Variants in RBPMS observed in about 807,000 individuals in gnomAD.
RBPMS encodes the protein RNA binding protein, mRNA processing factor, also known as RNA-binding protein with multiple splicing.
A neutral mutation model predicts 26.8 loss-of-function variants in RBPMS; 7 were observed. The ratio of observed to expected loss-of-function variants is 0.26; its 90% CI spans 0.15 to 0.49. RBPMS has a LOEUF of 0.49. Among genes scored for constraint, RBPMS ranks in the 20% least tolerant of loss-of-function variants. The pLI, the probability that RBPMS is intolerant of heterozygous loss-of-function variation, is 0.98. For missense variants in RBPMS, 186 were observed against 250.0 expected, an observed-to-expected ratio of 0.74 and a Z score of 1.73; for synonymous variants, 96 against 93.3, an observed-to-expected ratio of 1.03 and a Z score of -0.17.
rs1452807087 is a variant in RBPMS at position 30,522,675 on chromosome 8, T to C, written c.397+18239T>C. ...GATATTGATTGTAGTGAGAGTTTCA[T>C]AGGTATATACTTATCTCCAAACTCA... On this transcript the variant is annotated intron_variant, in intron 5 of 8. Coordinates refer to ENST00000397323, the MANE Select transcript of RBPMS (RefSeq NM_001008710.3). Among the ~76,000 whole-genome samples the C allele has an allele frequency of 7.2e-5, 11 of 152,336 alleles. No homozygotes were observed. The East Asian group carries it at 1.9e-3, about 27-fold the overall frequency.
intron 5 of RBPMS, among the ~76,000 whole-genome samples, chr8:30,521,040 C>T (rs1007482880): frequency 3.9e-5 from 6 of 151,978 alleles, no homozygotes; most frequent in African/African-American, 1.2e-4. Flanking sequence ...TGTCTTTGCA[C>T]GTAAGATAAA....
intron 6 of RBPMS, among the ~76,000 whole-genome samples, chr8:30,551,897 G>C (rs767335878): frequency 1.3e-5 from 2 of 152,168 alleles, no homozygotes; most frequent in Non-Finnish European, 2.9e-5. Flanking sequence ...ACATCTCCAT[G>C]GGTTTATTTT....
intron 1 of RBPMS, among the ~76,000 whole-genome samples, chr8:30,414,591 C>A (rs1809840313): frequency 6.6e-6 from 1 of 152,162 alleles, no homozygotes. Flanking sequence ...TAATCCGTCA[C>A]CAGACCCAGA....
At chr8:30,447,278 C>T (rs899595316) in intron 1 of RBPMS, among the ~76,000 whole-genome samples, 1 of 152,074 alleles carries the variant, frequency 6.6e-6, no homozygotes, top group Non-Finnish European at 1.5e-5. Flanking sequence ...CACTTCTGGG[C>T]CCAAGCATTT....
In RBPMS at chr8:30,571,467, C is replaced by T. The variant is rs1202183479; in HGVS notation, c.*942C>T. Reference sequence around the variant, plus strand: ...GCCTGCCTCACTGGTAAGGGAAAACCTTGGCTTGGGAGGCCAGCCCTGGCC... The same window carrying T: ...GCCTGCCTCACTGGTAAGGGAAAACTTTGGCTTGGGAGGCCAGCCCTGGCC... On this transcript the variant is annotated 3_prime_UTR_variant, in exon 9 of 9. Transcript: ENST00000397323. 1 of 152,282 alleles carries T rather than the reference C, an allele frequency of 6.6e-6. No individual in the cohort carries two copies. The highest frequency in any genetic ancestry group is 1.5e-5 in the Non-Finnish European group (1 of 68,052). The allele number at this position is 152,282 out of a possible 1,614,324, so 9.4% of individuals were successfully genotyped here.
intron 3 of RBPMS, 81 bp downstream of exon 3, chr8:30,477,918 ATTCCCAT>A (rs1295851454): frequency 2.1e-5 from 21 of 980,290 alleles, no homozygotes; most frequent in Non-Finnish European, 2.9e-5. Context: ...TTCTTTTTTT[ATTCCCAT>A]TAGAATTTGA....
At chr8:30,437,958 CAAA>C (rs548974873) in intron 1 of RBPMS, among the ~76,000 whole-genome samples, 1 of 148,318 alleles carries the variant, frequency 6.7e-6, no homozygotes, top group East Asian at 2.0e-4. Context: ...GACTCCGTCT[CAAA>C]AAAAGAAAAA....
intron 1 of RBPMS, among the ~76,000 whole-genome samples, chr8:30,409,717 C>CT (rs2150574694): frequency 6.6e-6 from 1 of 152,280 alleles, no homozygotes; most frequent in African/African-American, 2.4e-5. Context: ...ACCACAACCT[C>CT]TGACTCCCTG....
At chr8:30,422,169 A>G (rs1026113898) in intron 1 of RBPMS, among the ~76,000 whole-genome samples, 7 of 150,702 alleles carry the variant, frequency 4.6e-5, no homozygotes, top group African/African-American at 1.2e-4. Flanking sequence ...TCTGTCACCC[A>G]GGCTGGAGTG....
rs1351314442 is a variant in RBPMS at position 30,446,686 on chromosome 8, A to G, written c.67-28093A>G. Among the ~76,000 whole-genome samples, 6 of 152,062 alleles carry G rather than the reference A, an allele frequency of 3.9e-5. No homozygotes were observed. The East Asian group carries it at 1.2e-3, about 29-fold the overall frequency. ...TGCTCCATTGCCTAGGCTGGAGTGCAGTGGTGTGATCCTAGCTTTCTGTAG... is the reference window on the plus strand; with the variant it reads ...TGCTCCATTGCCTAGGCTGGAGTGCGGTGGTGTGATCCTAGCTTTCTGTAG... On this transcript the variant is annotated intron_variant, in intron 1 of 8. Coordinates refer to ENST00000397323, the MANE Select transcript of RBPMS (RefSeq NM_001008710.3).
At chr8:30,558,399 C>CT (rs1295988589) in intron 6 of RBPMS, 2 of 193,880 alleles carry the variant, frequency 1.0e-5, no homozygotes, top group South Asian at 1.1e-4. Context: ...AGCTGGAACC[C>CT]TTTTTTTAAA....
intron 4 of RBPMS, among the ~76,000 whole-genome samples, chr8:30,497,035 G>A (rs1395778895): frequency 8.5e-5 from 13 of 152,168 alleles, no homozygotes; most frequent in Non-Finnish European, 1.9e-4. Flanking sequence ...ACCAATATTT[G>A]AGAGCTCAGA....
chr8:30,454,476 T>A (rs563368496), intron 1 of RBPMS, among the ~76,000 whole-genome samples: 1 of 152,210 alleles, frequency 6.6e-6, no homozygotes, highest in Non-Finnish European at 1.5e-5. Context: ...ACTCTGCAAC[T>A]CCTTTTCTTA....
chr8:30,409,444 C>T (rs532690169), intron 1 of RBPMS, among the ~76,000 whole-genome samples: 30 of 152,222 alleles, frequency 2.0e-4, no homozygotes, highest in South Asian at 6.2e-4. Flanking sequence ...CTGCCTGCCT[C>T]GGCCTCCCAA....
At chr8:30,553,019 TTCCA>T (rs1324611386) in intron 6 of RBPMS, 3 of 152,266 alleles carry the variant, frequency 2.0e-5, no homozygotes, top group African/African-American at 7.2e-5. Flanking sequence ...CTCACCTCTT[TTCCA>T]GCTGTTGGGG....
At chr8:30,556,010 G>T in intron 6 of RBPMS, 1 of 982,962 alleles carries the variant, frequency 1.0e-6, no homozygotes, top group Non-Finnish European at 1.2e-6. Context: ...GACTTGGCCA[G>T]GGGGGCACTG....
At chr8:30,492,649 GA>G (rs1233395194) in intron 4 of RBPMS, among the ~76,000 whole-genome samples, 8 of 150,292 alleles carry the variant, frequency 5.3e-5, no homozygotes, top group East Asian at 1.9e-4. Context: ...CAATCACTAG[GA>G]AAAAAAAATA....
chr8:30,458,532 A>G (rs917540372), intron 1 of RBPMS, among the ~76,000 whole-genome samples: 1 of 152,180 alleles, frequency 6.6e-6, no homozygotes, highest in Non-Finnish European at 1.5e-5. Context: ...TATATGCTTT[A>G]ACACTATTCT....
chr8:30,425,669 G>A (rs1202106358), intron 1 of RBPMS, among the ~76,000 whole-genome samples: 1 of 152,056 alleles, frequency 6.6e-6, no homozygotes, highest in Non-Finnish European at 1.5e-5. Flanking sequence ...CAGAGTGCTA[G>A]GATTATGGGC....
Sources: gnomAD v4.1 joint callset for allele counts (sites outside exome capture counted in the v4.1 genomes callset) on GRCh38, gnomAD v4.1.1 for gene constraint, MANE v1.5 for transcripts, NCBI Gene and HGNC (gene_info 2026-07-23, HGNC 2026-07-21) for gene names.